Variants in PHEX observed in about 807,000 individuals in gnomAD.
PHEX encodes phosphate-regulating neutral endopeptidase PHEX.
PHEX carries 16 observed loss-of-function variants against 68.0 expected under a neutral mutation model. That is an observed-to-expected ratio of 0.24 (90% CI 0.16 to 0.36). PHEX has a LOEUF of 0.36. Ranked by LOEUF, PHEX falls within the 10% of genes least tolerant of loss-of-function variation. The pLI, the probability that PHEX is intolerant of heterozygous loss-of-function variation, is 1.00. For synonymous variants in PHEX, 208 were observed against 205.1 expected (o/e 1.01, Z -0.12); for missense variants, 480 against 575.5 (o/e 0.83, Z 1.70).
chrX:22,203,715 A>G (rs1276982021), intron 15 of PHEX, among the ~76,000 whole-genome samples: 1 of 111,601 alleles, frequency 9.0e-6, no homozygotes, highest in Admixed American at 9.6e-5. Context: ...TTTCTAAAGC[A>G]GGTGCAATTT....
chrX:22,171,459 A>G (rs1933527881), intron 13 of PHEX: 1 of 109,778 alleles, frequency 9.1e-6, no homozygotes, highest in South Asian at 4.0e-4. Flanking sequence ...TCTCCCCCTC[A>G]AGCCCCGCCC....
At chrX:22,206,811 G>A (rs1335850436) in intron 15 of PHEX, among the ~76,000 whole-genome samples, 1 of 111,074 alleles carries the variant, frequency 9.0e-6, no homozygotes, top group African/African-American at 3.3e-5. Context: ...TCTGAGCTGT[G>A]GAATAATGTG....
intron 6 of PHEX, among the ~76,000 whole-genome samples, chrX:22,091,310 G>T (rs147141830): frequency 1.8e-5 from 2 of 111,449 alleles, no homozygotes; most frequent in African/African-American, 3.3e-5. Context: ...TTGCCAATGT[G>T]GGGGGAGGGT....
chrX:22,165,532 G>A (rs1204922349), intron 12 of PHEX, among the ~76,000 whole-genome samples: 1 of 111,244 alleles, frequency 9.0e-6, no homozygotes, highest in Non-Finnish European at 1.9e-5. Context: ...AGGAAAAGTG[G>A]GTAGAAGGCA....
intron 3 of PHEX, among the ~76,000 whole-genome samples, chrX:22,054,842 T>C (rs1013781821): frequency 9.1e-6 from 1 of 109,964 alleles, no homozygotes; most frequent in Non-Finnish European, 1.9e-5. Context: ...TATTGGTAGG[T>C]GTGCGTGCTG....
At chrX:22,202,894 C>T (rs776460969) in intron 15 of PHEX, among the ~76,000 whole-genome samples, 1 of 111,819 alleles carries the variant, frequency 8.9e-6, no homozygotes, top group Non-Finnish European at 1.9e-5. Context: ...TCATCAGCAT[C>T]GCTTGTGATA....
chrX:22,114,588 T>C lies in PHEX; in HGVS notation c.1302+2T>C. On this transcript the variant is annotated splice_donor_variant, in intron 11 of 21. Transcript: ENST00000379374. LOFTEE classifies it high-confidence loss of function. ...TTCCAGGAAGATAAGAAGGAAATGG[T>C]AAGTGGTACTCCCCAGCTAGCAAAA... The C allele has an allele frequency of 8.3e-7, 1 of 1,203,213 alleles. No homozygotes were observed. The highest frequency in any genetic ancestry group is 1.1e-6 in the Non-Finnish European group (1 of 887,946).
At chrX:22,065,627 T>C (rs1196518812) in intron 3 of PHEX, among the ~76,000 whole-genome samples, 1 of 111,831 alleles carries the variant, frequency 8.9e-6, no homozygotes, top group Admixed American at 9.5e-5. Context: ...GGTTTCACTA[T>C]GTTGGCCAGG....
rs1438373745 is a variant in PHEX, at chrX:22,036,569, T to C, written c.119-1900T>C. On this transcript the variant is annotated intron_variant, in intron 1 of 21. Coordinates refer to ENST00000379374, the MANE Select transcript of PHEX (RefSeq NM_000444.6). ...TAAAAATATTATTTACAATAAAGCT[T>C]ATTTTTGCATTATATAAAAGAACAC... Among the ~76,000 whole-genome samples the C allele has an allele frequency of 3.6e-5, 4 of 111,149 alleles. No homozygotes were observed. In the Admixed American group the frequency reaches 3.9e-4, roughly 11 times the overall value.
At chrX:22,082,417 G>T (rs988138817) in intron 5 of PHEX, among the ~76,000 whole-genome samples, 1 of 112,175 alleles carries the variant, frequency 8.9e-6, no homozygotes, top group Admixed American at 9.5e-5. Flanking sequence ...GTGTGAGATG[G>T]TATCTCATTG....
intron 9 of PHEX, among the ~76,000 whole-genome samples, chrX:22,104,561 G>T (rs1156573521): frequency 8.9e-6 from 1 of 111,873 alleles, no homozygotes; most frequent in Non-Finnish European, 1.9e-5. Context: ...GGGGGATTTT[G>T]ACACCATGGA....
At chrX:22,105,089 T>C (rs1930619655) in intron 9 of PHEX, among the ~76,000 whole-genome samples, 1 of 111,734 alleles carries the variant, frequency 8.9e-6, no homozygotes, top group Non-Finnish European at 1.9e-5. Flanking sequence ...CTTCTGAGAG[T>C]GATCTAGGGT....
chrX:22,219,200 A>G, intron 17 of PHEX, 97 bp downstream of exon 17: 1 of 620,979 alleles, frequency 1.6e-6, no homozygotes. Flanking sequence ...CAGCAGCATC[A>G]TAGCTTGAAG....
intron 9 of PHEX, among the ~76,000 whole-genome samples, chrX:22,110,008 C>T (rs1017746344): frequency 8.9e-6 from 1 of 111,814 alleles, no homozygotes; most frequent in Admixed American, 9.6e-5. Context: ...CCTTAAGTGA[C>T]TTGTCGAAAC....
At position 22,093,156 on chromosome X, in the gene PHEX, A is replaced by G. The variant is rs573444568; in HGVS notation, c.733-827A>G. ...GTCCTAAGGTCATACATATAGTAAGAATAGCTTACAGAGTCAAGGTATAAG... is the reference window on the plus strand; with the variant it reads ...GTCCTAAGGTCATACATATAGTAAGGATAGCTTACAGAGTCAAGGTATAAG... On this transcript the variant is annotated intron_variant, in intron 6 of 21. Transcript: ENST00000379374. Among the ~76,000 whole-genome samples the G allele has an allele frequency of 3.2e-4, 36 of 112,271 alleles. No individual in the cohort carries two copies. In the South Asian group the frequency reaches 0.013, roughly 41 times the overall value.
At chrX:22,093,321 C>A (rs1929984511) in intron 6 of PHEX, among the ~76,000 whole-genome samples, 1 of 111,913 alleles carries the variant, frequency 8.9e-6, no homozygotes, top group Admixed American at 9.5e-5. Flanking sequence ...CCCTGCCCCA[C>A]CCAATGACAT....
chrX:22,182,454 T>TG (rs1933909611), intron 14 of PHEX, among the ~76,000 whole-genome samples: 1 of 111,407 alleles, frequency 9.0e-6, no homozygotes, highest in South Asian at 3.8e-4. Flanking sequence ...ATGTGGCTGC[T>TG]GCTGGGGAAT....
At chrX:22,144,288 G>A (rs1214315910) in intron 12 of PHEX, among the ~76,000 whole-genome samples, 3 of 110,880 alleles carry the variant, frequency 2.7e-5, no homozygotes, top group African/African-American at 9.8e-5. Flanking sequence ...CTTAAAATTG[G>A]GAATGAAAAA....
At chrX:22,237,693 C>T (rs1280041802) in intron 20 of PHEX, among the ~76,000 whole-genome samples, 4 of 112,141 alleles carry the variant, frequency 3.6e-5, no homozygotes. Context: ...ACTGTCCTTC[C>T]TCTCCCACTG....
Sources: allele counts gnomAD v4.1 joint callset (sites outside exome capture counted in the v4.1 genomes callset), GRCh38; gene constraint gnomAD v4.1.1; transcripts MANE v1.5; gene names NCBI Gene and HGNC (gene_info 2026-07-23, HGNC 2026-07-21).